Variants in NUMB observed in about 807,000 individuals in gnomAD.
NUMB encodes protein numb homolog.
Under a neutral mutation model 59.7 loss-of-function variants are expected in NUMB, and 29 were observed. That is an observed-to-expected ratio of 0.49 (90% CI 0.36 to 0.66). The LOEUF (loss-of-function observed/expected upper bound fraction) is 0.66. Ranked by LOEUF, NUMB falls within the 30% of genes least tolerant of loss-of-function variation. The pLI, the probability that NUMB is intolerant of heterozygous loss-of-function variation, is 0.00. For missense variants in NUMB, 723 were observed against 822.0 expected (o/e 0.88, Z 1.47); for synonymous variants, 288 against 288.2 (o/e 1.00, Z 0.01).
rs182085567 is a variant in NUMB, at chr14:73,412,766, A to T, written c.-232-2698T>A. 4.7e-3 allele frequency among the ~76,000 whole-genome samples: 709 copies of T among 152,070 alleles called. 7 individuals are homozygous for T. Among genetic ancestry groups the T allele is most frequent in the African/African-American group, 0.016 (663 of 41,502 alleles). On this transcript the variant is annotated intron_variant, in intron 1 of 12. Transcript: ENST00000555238. ...CCTCTCAGCCTTTCAAGTAGCTGGG[A>T]CTACAGACATGTGCCACCATGTCTG...
Position 73,398,413 on chromosome 14 carries a change from A to AGTGTGT in NUMB, c.-101+11523_-101+11524insACACAC, listed in dbSNP as rs1452367894. On this transcript the variant is annotated intron_variant, in intron 2 of 12. Coordinates refer to ENST00000555238, the MANE Select transcript of NUMB (RefSeq NM_001005743.2). ...CACACAGAGAGAGAGAGAGAGAGAG[A>AGTGTGT]GAGTGTGTGTGTGTGTGTGTGTGTG... 1.6e-3 allele frequency among the ~76,000 whole-genome samples: 188 copies of AGTGTGT among 117,764 alleles called. 1 individual carries two copies. The highest frequency in any genetic ancestry group is 0.015 in the East Asian group (65 of 4,344). The allele number at this position is 117,764 out of a possible 152,430, so 77.3% of individuals were successfully genotyped here.
chr14:73,335,978 T>C lies in NUMB; in HGVS notation c.127-12774A>G, dbSNP rs552753014. 2.6e-5 allele frequency among the ~76,000 whole-genome samples: 4 copies of C among 152,340 alleles called. No individual in the cohort carries two copies. The South Asian group carries it at 8.3e-4, about 32-fold the overall frequency. ...TTTAACTATAAATTTGGACTACAAT[T>C]CCATCTGAATAGACTGTATGACCTA... On this transcript the variant is annotated intron_variant, in intron 4 of 12. Coordinates refer to ENST00000555238, the MANE Select transcript of NUMB (RefSeq NM_001005743.2).
chr14:73,430,894 G>C (rs1218400787), intron 1 of NUMB, among the ~76,000 whole-genome samples: 1 of 151,132 alleles, frequency 6.6e-6, no homozygotes, highest in African/African-American at 2.4e-5. Flanking sequence ...GCAGTGAGCC[G>C]AGATTGCGCC....
chr14:73,372,367 A>ATATATATATATATAACCTTT (rs1894749156), intron 2 of NUMB, among the ~76,000 whole-genome samples: 103 of 82,570 alleles, frequency 1.2e-3, no homozygotes, highest in African/African-American at 3.3e-3. Context: ...ATAACCTTTT[A>ATATATATATATATAACCTTT]TATATATATA....
intron 1 of NUMB, among the ~76,000 whole-genome samples, chr14:73,432,204 T>G (rs1897862747): frequency 6.6e-6 from 1 of 152,106 alleles, no homozygotes; most frequent in African/African-American, 2.4e-5. Flanking sequence ...TAGGAGAGAT[T>G]TGAAAGAATA....
intron 2 of NUMB, among the ~76,000 whole-genome samples, chr14:73,394,900 C>T (rs1183857305): frequency 6.6e-6 from 1 of 152,012 alleles, no homozygotes; most frequent in Non-Finnish European, 1.5e-5. Flanking sequence ...TATTAGCACC[C>T]GGCAATCTTT....
chr14:73,386,530 T>C (rs1054199291), intron 2 of NUMB, among the ~76,000 whole-genome samples: 3 of 152,080 alleles, frequency 2.0e-5, no homozygotes, highest in Non-Finnish European at 2.9e-5. Flanking sequence ...GGTTCTCTTA[T>C]TGGAATACAG....
At chr14:73,395,414 G>C (rs1309364390) in intron 2 of NUMB, among the ~76,000 whole-genome samples, 1 of 152,060 alleles carries the variant, frequency 6.6e-6, no homozygotes, top group Non-Finnish European at 1.5e-5. Context: ...GTTGAGCCCA[G>C]GAGTTTGAGA....
At position 73,438,138 on chromosome 14, in the gene NUMB, G is replaced by A. The variant is rs74710633; in HGVS notation, c.-233+20355C>T. ...ATGTTTTGCTCTCCTGAGAGCTCTA[G>A]AAATGTTAATACACTTTGACTTGAT... On this transcript the variant is annotated intron_variant, in intron 1 of 12. Transcript: ENST00000555238. Among the ~76,000 whole-genome samples the A allele has an allele frequency of 3.0e-4, 46 of 152,300 alleles. No homozygotes were observed. The East Asian group carries it at 8.5e-3, about 28-fold the overall frequency.
At position 73,358,630 on chromosome 14, in the gene NUMB, A is replaced by C. The variant is rs184992575; in HGVS notation, c.-15-2864T>G. On this transcript the variant is annotated intron_variant, in intron 3 of 12. Transcript: ENST00000555238. ...TTTTTTTTTTTTTTTTTTTTTGACA[A>C]GCCCCTACCTGGCTTGGTTAGGTCC... is the stretch of plus-strand genomic sequence containing the variant. Among the ~76,000 whole-genome samples the C allele has an allele frequency of 3.6e-3, 533 of 146,502 alleles. 3 individuals carry two copies. Among genetic ancestry groups the C allele is most frequent in the African/African-American group, 0.012 (487 of 39,558 alleles).
intron 1 of NUMB, among the ~76,000 whole-genome samples, chr14:73,456,652 C>A (rs1884394988): frequency 6.6e-6 from 1 of 152,148 alleles, no homozygotes; most frequent in South Asian, 2.1e-4. Context: ...GTTTGAAAAA[C>A]ACAGGCTAAA....
chr14:73,412,985 G>A lies in NUMB; in HGVS notation c.-232-2917C>T, dbSNP rs377163948. Among the ~76,000 whole-genome samples the A allele has an allele frequency of 1.1e-3, 166 of 152,118 alleles. 1 individual carries two copies. Among genetic ancestry groups the A allele is most frequent in the East Asian group, 1.5e-3 (8 of 5,174 alleles). On this transcript the variant is annotated intron_variant, in intron 1 of 12. Transcript: ENST00000555238. ...ATAACTTCCAAGATCACAAAAATAC[G>A]AAGTAGTGGGTATGGGGTTTTTAAA...
At chr14:73,387,443 G>A (rs1201061259) in intron 2 of NUMB, among the ~76,000 whole-genome samples, 2 of 152,148 alleles carry the variant, frequency 1.3e-5, no homozygotes, top group Non-Finnish European at 2.9e-5. Flanking sequence ...TGCTACAAGG[G>A]AGTCCTTTTG....
intron 4 of NUMB, among the ~76,000 whole-genome samples, chr14:73,349,577 GA>G (rs71112731): frequency 0.76 from 96,711 of 127,516 alleles, 35,510 homozygotes; most frequent in East Asian, 0.86. Flanking sequence ...TCCATCTCAA[GA>G]AAAAAAAAAA....
At chr14:73,364,135 G>A (rs1385934168) in intron 3 of NUMB, among the ~76,000 whole-genome samples, 1 of 152,036 alleles carries the variant, frequency 6.6e-6, no homozygotes, top group African/African-American at 2.4e-5. Context: ...TTCAATACTC[G>A]TTCTTCACAC....
At chr14:73,433,068 A>T (rs1010793759) in intron 1 of NUMB, among the ~76,000 whole-genome samples, 2 of 152,072 alleles carry the variant, frequency 1.3e-5, no homozygotes, top group Non-Finnish European at 2.9e-5. Flanking sequence ...TTAGCAGGGC[A>T]TGATGGCACA....
At chr14:73,452,469 G>A (rs887367156) in intron 1 of NUMB, among the ~76,000 whole-genome samples, 3 of 152,108 alleles carry the variant, frequency 2.0e-5, no homozygotes, top group South Asian at 4.1e-4. Flanking sequence ...GCAGTGAGCC[G>A]AGATCATGCC....
Position 73,284,220 on chromosome 14 carries a change from C to T in NUMB, c.810G>A (p.Gln270=). 3 of 1,614,160 alleles carry T rather than the reference C, an allele frequency of 1.9e-6. No individual in the cohort carries two copies. The highest frequency in any genetic ancestry group is 2.5e-6 in the Non-Finnish European group (3 of 1,180,030). ...AIPRRHAPIE[Q]LARQGSFRGF... ...CTCGGAAAGAGCCTTGGCGAGCAAG[C>T]TGTTCAATTGGAGCATGCCGGCGTG... Residue 270 remains glutamine (Q), a synonymous_variant, in exon 10 of 13, where the codon CAG becomes CAA. Transcript: ENST00000555238.
intron 3 of NUMB, among the ~76,000 whole-genome samples, chr14:73,365,326 C>T (rs112320320): frequency 1.8e-4 from 28 of 152,144 alleles, no homozygotes; most frequent in African/African-American, 6.3e-4. Context: ...CAGGCGTGAG[C>T]CATCATGCCT....
Sources: allele counts gnomAD v4.1 joint callset (sites outside exome capture counted in the v4.1 genomes callset), GRCh38; gene constraint gnomAD v4.1.1; transcripts MANE v1.5; gene names NCBI Gene and HGNC (gene_info 2026-07-23, HGNC 2026-07-21).